PRKD3: variants seen among roughly 807,000 people sequenced by gnomAD.
PRKD3 encodes serine/threonine-protein kinase D3.
A neutral mutation model predicts 99.2 loss-of-function variants in PRKD3; 47 were observed. The ratio of observed to expected loss-of-function variants is 0.47; its 90% CI spans 0.38 to 0.60. The LOEUF (loss-of-function observed/expected upper bound fraction) is 0.60, where lower values mean the gene tolerates loss of function less well. Among genes scored for constraint, PRKD3 ranks in the 20% least tolerant of loss-of-function variants. PRKD3 has a pLI of 0.00. For synonymous variants in PRKD3, 392 were observed against 355.4 expected, an observed-to-expected ratio of 1.10 and a Z score of -1.16; for missense variants, 1,019 against 1,088.4, an observed-to-expected ratio of 0.94 and a Z score of 0.90.
Position 37,316,694 on chromosome 2 carries a change from G to T in PRKD3, c.-170C>A, listed in dbSNP as rs889465555. ...GCCGATACTTTTAAGTTTTATCAAGGAGTTGAATGCCCCAAAGGTCCTATT... is the reference window on the plus strand; with the variant it reads ...GCCGATACTTTTAAGTTTTATCAAGTAGTTGAATGCCCCAAAGGTCCTATT... On this transcript the variant is annotated 5_prime_UTR_variant, in exon 2 of 19. Transcript: ENST00000234179. The T allele has an allele frequency of 6.4e-5, 92 of 1,430,416 alleles. No homozygotes were observed. The highest frequency in any genetic ancestry group is 8.0e-5 in the Non-Finnish European group (88 of 1,099,404). The allele number at this position is 1,430,416 out of a possible 1,614,324, so 88.6% of individuals were successfully genotyped here.
At chr2:37,322,422 ACCAGTGACAGTTGAAT>A (rs776446189) in intron 1 of PRKD3, among the ~76,000 whole-genome samples, 12 of 152,356 alleles carry the variant, frequency 7.9e-5, no homozygotes, top group South Asian at 2.1e-4. Context: ...GCTCATCTGG[ACCAGTGACAGTTGAAT>A]CTCAGTCCTT....
intron 6 of PRKD3, among the ~76,000 whole-genome samples, chr2:37,284,750 G>A (rs577106848): frequency 6.6e-6 from 1 of 152,020 alleles, no homozygotes; most frequent in South Asian, 2.1e-4. Flanking sequence ...ATGTTCTTGT[G>A]TGCTATCATA....
chr2:37,274,780 AT>A, intron 10 of PRKD3, 83 bp from the exon 11 acceptor site: 1 of 1,277,142 alleles, frequency 7.8e-7, no homozygotes, highest in East Asian at 2.5e-5. Flanking sequence ...AGAGATATGC[AT>A]TTCAATGAAT....
intron 2 of PRKD3, among the ~76,000 whole-genome samples, chr2:37,308,586 T>C (rs57839659): frequency 0.81 from 119,974 of 148,612 alleles, 49,078 homozygotes; most frequent in East Asian, 0.99. Flanking sequence ...TCCCGAGTAG[T>C]TGGGATTATA....
Position 37,316,739 on chromosome 2 carries a change from T to G in PRKD3, c.-215A>C, listed in dbSNP as rs1231966803. 13 of 1,386,796 alleles carry G rather than the reference T, an allele frequency of 9.4e-6. No individual in the cohort carries two copies. Among genetic ancestry groups the G allele is most frequent in the Non-Finnish European group, 1.1e-5 (12 of 1,075,522 alleles). 85.9% of individuals were successfully genotyped at this position (1,386,796 alleles called of 1,614,324 possible). A position where few individuals can be genotyped will look rare whatever the true frequency, so the allele number is the denominator to read the frequency against. On this transcript the variant is annotated 5_prime_UTR_variant, in exon 2 of 19. The change abolishes an upstream ATG in the 5' untranslated region. Coordinates refer to ENST00000234179, the MANE Select transcript of PRKD3 (RefSeq NM_005813.6). ...CCTATTTCTCTTAATATCAGTCCCA[T>G]CAAAAAGCAGTCTTGTCTGTAGGAA...
chr2:37,298,948 C>G (rs1255987475), intron 2 of PRKD3, among the ~76,000 whole-genome samples: 1 of 152,128 alleles, frequency 6.6e-6, no homozygotes, highest in Non-Finnish European at 1.5e-5. Context: ...CTACTTAAGA[C>G]TTCCAGTATT....
Position 37,293,119 on chromosome 2 carries a change from A to T in PRKD3, c.427+14T>A, listed in dbSNP as rs768545629. The T allele has an allele frequency of 1.4e-5, 21 of 1,545,432 alleles. No individual in the cohort carries two copies. The South Asian group carries it at 2.5e-4, about 19-fold the overall frequency. On this transcript the variant is annotated intron_variant, in intron 3 of 18. Transcript: ENST00000234179. ...AGGGGAAAAGGCAATCACTCTAAAA[A>T]GCCACTTACTTACCTGAAAGAACCA...
chr2:37,300,957 T>C (rs184526840), intron 2 of PRKD3, among the ~76,000 whole-genome samples: 51 of 152,362 alleles, frequency 3.3e-4, no homozygotes, highest in African/African-American at 1.2e-3. Flanking sequence ...GTTTTTATAG[T>C]GTATTATCAA....
chr2:37,321,988 A>G (rs1671903849), intron 1 of PRKD3, among the ~76,000 whole-genome samples: 2 of 152,264 alleles, frequency 1.3e-5, no homozygotes, highest in South Asian at 2.1e-4. Flanking sequence ...TCCTATTGGA[A>G]TAACAATATT....
intron 2 of PRKD3, among the ~76,000 whole-genome samples, chr2:37,303,157 C>G (rs890743533): frequency 1.3e-5 from 2 of 151,998 alleles, no homozygotes; most frequent in East Asian, 3.9e-4. Context: ...GCCTGACTAT[C>G]GGGAAGAGCC....
At chr2:37,282,118 T>C (rs1669880846) in intron 7 of PRKD3, among the ~76,000 whole-genome samples, 1 of 152,182 alleles carries the variant, frequency 6.6e-6, no homozygotes, top group African/African-American at 2.4e-5. Flanking sequence ...TGTGCCTCAG[T>C]TTACTCATCT....
chr2:37,308,498 C>G (rs1003439918), intron 2 of PRKD3, among the ~76,000 whole-genome samples: 9 of 151,924 alleles, frequency 5.9e-5, no homozygotes, highest in African/African-American at 2.2e-4. Context: ...AATCTCAGCT[C>G]ACTGCAACCT....
At chr2:37,267,145 G>A (rs577376108) in intron 14 of PRKD3, among the ~76,000 whole-genome samples, 1 of 152,238 alleles carries the variant, frequency 6.6e-6, no homozygotes, top group East Asian at 1.9e-4. Flanking sequence ...TGTGAAAACT[G>A]GATGGGTAAA....
At chr2:37,283,852 G>A (rs1669968077) in intron 6 of PRKD3, among the ~76,000 whole-genome samples, 1 of 150,226 alleles carries the variant, frequency 6.7e-6, no homozygotes, top group Admixed American at 6.6e-5. Flanking sequence ...AGCTGGGTGT[G>A]GCAGCACCAC....
rs1195665022 is a variant in PRKD3 at position 37,277,958 on chromosome 2, T to G, written c.1204A>C (p.Arg402=). 4 of 1,609,778 alleles carry G rather than the reference T, an allele frequency of 2.5e-6. No individual in the cohort carries two copies. In the South Asian group the frequency reaches 3.3e-5, roughly 13 times the overall value. Residue 402 remains arginine, a synonymous_variant, in exon 9 of 19, where the codon AGG becomes CGG. Coordinates refer to ENST00000234179, the MANE Select transcript of PRKD3 (RefSeq NM_005813.6). ...GTGTGCTTGATGGATTGTACAACCC[T>G]CATTAGCGGAATATTATTGCTTGTT... ...PSTSNNIPLM[R]VVQSIKHTKR... is the part of the protein sequence containing the mutation.
chr2:37,280,052 CTCTT>C (rs1558549098), intron 7 of PRKD3, 123 bp from the exon 8 acceptor site: 1 of 591,862 alleles, frequency 1.7e-6, no homozygotes, highest in Non-Finnish European at 2.7e-6. Context: ...TAAAGTATTT[CTCTT>C]TTTTTTTTTT....
At chr2:37,291,323 T>C (rs1172741010) in intron 3 of PRKD3, among the ~76,000 whole-genome samples, 3 of 152,178 alleles carry the variant, frequency 2.0e-5, no homozygotes, top group African/African-American at 7.2e-5. Flanking sequence ...CAGTGGGAAA[T>C]AGAACACTAA....
In PRKD3 at chr2:37,282,582, T is replaced by C. The variant is rs1383512986; in HGVS notation, c.948A>G (p.Lys316=). 6.2e-7 allele frequency: 1 copy of C among 1,603,490 alleles called. No homozygotes were observed. Among genetic ancestry groups the C allele is most frequent in the Non-Finnish European group, 8.5e-7 (1 of 1,170,560 alleles). Residue 316 remains lysine, a synonymous_variant, in exon 7 of 19, where the codon AAA becomes AAG. Coordinates refer to ENST00000234179, the MANE Select transcript of PRKD3 (RefSeq NM_005813.6). ...KFNCHKRCAS[K]VPRDCLGEVT... is the part of the protein sequence containing the mutation. ...CCTCTCCAAGGCAGTCTCTTGGTAC[T>C]TTTGATGCACAGCGTTTATGGCAGT...
At chr2:37,311,900 C>T (rs904126273) in intron 2 of PRKD3, among the ~76,000 whole-genome samples, 5 of 152,118 alleles carry the variant, frequency 3.3e-5, no homozygotes, top group Non-Finnish European at 5.9e-5. Context: ...TGTTTAACCT[C>T]CTAGTTACTC....
Sources: allele counts gnomAD v4.1 joint callset (sites outside exome capture counted in the v4.1 genomes callset), GRCh38; gene constraint gnomAD v4.1.1; transcripts MANE v1.5; gene names NCBI Gene and HGNC (gene_info 2026-07-23, HGNC 2026-07-21).